The following FOXP2 variants were observed in gnomAD, a reference collection of about 807,000 sequenced individuals.
The protein encoded by FOXP2 is forkhead box protein P2.
FOXP2 carries 12 observed loss-of-function variants against 115.8 expected under a neutral mutation model. The ratio of observed to expected loss-of-function variants is 0.10; its 90% CI spans 0.07 to 0.17. FOXP2 has a LOEUF of 0.17. Among genes scored for constraint, FOXP2 ranks in the 10% least tolerant of loss-of-function variants. The pLI is 1.00. For missense variants in FOXP2, 629 were observed against 843.5 expected, an observed-to-expected ratio of 0.75 and a Z score of 3.15; for synonymous variants, 328 against 297.7, an observed-to-expected ratio of 1.10 and a Z score of -1.05.
intron 1 of FOXP2, among the ~76,000 whole-genome samples, chr7:114,150,725 A>G (rs1475642311): frequency 6.6e-6 from 1 of 152,040 alleles, no homozygotes; most frequent in Non-Finnish European, 1.5e-5. Context: ...TAAAATTGCA[A>G]TTATGTCACT....
intron 2 of FOXP2, among the ~76,000 whole-genome samples, chr7:114,345,076 C>G (rs1791314297): frequency 6.6e-6 from 1 of 151,690 alleles, no homozygotes; most frequent in Non-Finnish European, 1.5e-5. Context: ...AAATATAAAA[C>G]AATTTTTTTA....
intron 2 of FOXP2, among the ~76,000 whole-genome samples, chr7:114,314,998 C>A (rs796850333): frequency 3.3e-5 from 5 of 152,276 alleles, no homozygotes; most frequent in African/African-American, 9.6e-5. Flanking sequence ...ACGATAAGCA[C>A]CACCTTTAAG....
At chr7:114,129,537 T>A (rs1483616840) in intron 1 of FOXP2, among the ~76,000 whole-genome samples, 2 of 152,180 alleles carry the variant, frequency 1.3e-5, no homozygotes, top group African/African-American at 4.8e-5. Context: ...TAAAATAAAA[T>A]AAAAATGCAC....
intron 1 of FOXP2, among the ~76,000 whole-genome samples, chr7:114,183,956 G>A (rs997109452): frequency 6.6e-6 from 1 of 152,088 alleles, no homozygotes; most frequent in East Asian, 1.9e-4. Flanking sequence ...TACACAAGAC[G>A]AGAAACATGA....
chr7:114,324,349 C>A (rs1490385202), intron 2 of FOXP2, among the ~76,000 whole-genome samples: 2 of 151,810 alleles, frequency 1.3e-5, no homozygotes, highest in African/African-American at 2.4e-5. Flanking sequence ...ATTTAATTTT[C>A]CTCTGCTATA....
intron 3 of FOXP2, among the ~76,000 whole-genome samples, chr7:114,611,554 T>A (rs193189864): frequency 6.6e-6 from 1 of 152,294 alleles, no homozygotes; most frequent in Admixed American, 6.5e-5. Context: ...GAAAAACAAC[T>A]ATAGAAGAAT....
intron 11 of FOXP2, 100 bp downstream of exon 11, chr7:114,658,367 T>C (rs1339061848): frequency 1.7e-6 from 2 of 1,201,556 alleles, no homozygotes. Context: ...TGGAAACTCA[T>C]GTCATGATTT....
At chr7:114,141,342 TAAC>T (rs1792202541) in intron 1 of FOXP2, among the ~76,000 whole-genome samples, 1 of 152,164 alleles carries the variant, frequency 6.6e-6, no homozygotes, top group South Asian at 2.1e-4. Flanking sequence ...ATGCTTTATA[TAAC>T]AACAGAGAAA....
At chr7:114,443,183 C>A (rs1390840991) in intron 2 of FOXP2, among the ~76,000 whole-genome samples, 1 of 152,170 alleles carries the variant, frequency 6.6e-6, no homozygotes, top group Non-Finnish European at 1.5e-5. Context: ...TGCAAACACT[C>A]AGTATATAAC....
At chr7:114,689,635 A>G (rs960614188) in intron 16 of FOXP2, 147 bp from the exon 17 acceptor site, 2 of 754,520 alleles carry the variant, frequency 2.7e-6, no homozygotes, top group Non-Finnish European at 4.5e-6. Flanking sequence ...GTCTCTAACC[A>G]GCTCACGCAA....
intron 1 of FOXP2, among the ~76,000 whole-genome samples, chr7:114,193,969 T>C (rs1187570868): frequency 2.6e-5 from 4 of 152,118 alleles, no homozygotes; most frequent in African/African-American, 9.6e-5. Context: ...AAATTACTTG[T>C]ACAACATCAT....
intron 1 of FOXP2, among the ~76,000 whole-genome samples, chr7:114,243,038 C>A (rs981086381): frequency 6.6e-6 from 1 of 151,992 alleles, no homozygotes; most frequent in Non-Finnish European, 1.5e-5. Flanking sequence ...CTTCTATTGG[C>A]CAGACGTTGT....
At chr7:114,560,341 C>A (rs1446992409) in intron 3 of FOXP2, among the ~76,000 whole-genome samples, 1 of 152,132 alleles carries the variant, frequency 6.6e-6, no homozygotes, top group Admixed American at 6.5e-5. Flanking sequence ...TGCAGTGTCT[C>A]ACACCTGTAA....
intron 1 of FOXP2, among the ~76,000 whole-genome samples, chr7:114,256,865 A>G (rs1199236218): frequency 6.6e-6 from 1 of 152,254 alleles, no homozygotes; most frequent in Non-Finnish European, 1.5e-5. Context: ...AAATGGCCAT[A>G]CTGCCCAAAG....
At chr7:114,642,795 TA>T (rs1331147003) in intron 7 of FOXP2, among the ~76,000 whole-genome samples, 172 bp downstream of exon 7, 1,079 of 38,538 alleles carry the variant, frequency 0.028, 59 homozygotes, top group Admixed American at 0.14. Context: ...TATATATATA[TA>T]TATATATATA....
rs989787845 is a variant in FOXP2 at position 114,570,339 on chromosome 7, C to A, written c.258+35633C>A. Among the ~76,000 whole-genome samples the A allele has an allele frequency of 2.0e-5, 3 of 151,956 alleles. 1 individual carries two copies. The South Asian group carries it at 6.2e-4, about 32-fold the overall frequency. On this transcript the variant is annotated intron_variant, in intron 3 of 16. Transcript: ENST00000350908. Reference sequence around the variant, plus strand: ...TTAAATAAATTATTGTGATTGTTCTCACATGACATGGTAGGACAGGATTTA... The same window carrying A: ...TTAAATAAATTATTGTGATTGTTCTAACATGACATGGTAGGACAGGATTTA...
intron 1 of FOXP2, among the ~76,000 whole-genome samples, chr7:114,171,394 G>A (rs996775638): frequency 2.6e-5 from 4 of 152,092 alleles, no homozygotes; most frequent in Non-Finnish European, 4.4e-5. Context: ...GCAACATAAC[G>A]AGACCTCATC....
chr7:114,410,981 G>A (rs1793148288), upstream of FOXP2, among the ~76,000 whole-genome samples: 1 of 152,096 alleles, frequency 6.6e-6, no homozygotes, highest in Admixed American at 6.6e-5. Context: ...TATGCTAGTA[G>A]ATAGAGTATC....
At chr7:114,689,161 A>C (rs1276498362) in intron 16 of FOXP2, among the ~76,000 whole-genome samples, 1 of 152,116 alleles carries the variant, frequency 6.6e-6, no homozygotes, top group Non-Finnish European at 1.5e-5. Context: ...TTCATGACAA[A>C]ATTTTAATTA....
Sources: gnomAD v4.1 joint callset for allele counts (sites outside exome capture counted in the v4.1 genomes callset) on GRCh38, gnomAD v4.1.1 for gene constraint, MANE v1.5 for transcripts, NCBI Gene and HGNC (gene_info 2026-07-23, HGNC 2026-07-21) for gene names.